Variants in AR observed in about 807,000 individuals in gnomAD.
AR encodes androgen receptor, also known as dihydrotestosterone receptor.
A neutral mutation model predicts 53.9 loss-of-function variants in AR; 8 were observed. That is an observed-to-expected ratio of 0.15 (90% CI 0.09 to 0.27). AR has a LOEUF of 0.27. Ranked by LOEUF, AR falls within the 10% of genes least tolerant of loss-of-function variation. AR has a pLI of 1.00. For missense variants in AR, 639 were observed against 742.5 expected (o/e 0.86, Z 1.62); for synonymous variants, 359 against 316.4 (o/e 1.13, Z -1.43).
chrX:67,673,053 T>C (rs1360747007), intron 2 of AR, among the ~76,000 whole-genome samples: 1 of 109,365 alleles, frequency 9.1e-6, no homozygotes. Flanking sequence ...GTTTTTTTTT[T>C]TTTTTTCTTC....
chrX:67,707,271 G>A (rs750573487), intron 3 of AR, among the ~76,000 whole-genome samples: 1 of 111,927 alleles, frequency 8.9e-6, no homozygotes, highest in South Asian at 3.8e-4. Context: ...TTGTGTGGGA[G>A]TCTAAGTCTC....
intron 1 of AR, among the ~76,000 whole-genome samples, chrX:67,600,011 A>G (rs1034255279): frequency 1.8e-5 from 2 of 111,665 alleles, no homozygotes; most frequent in Non-Finnish European, 3.8e-5. Flanking sequence ...GCTAGTTTCA[A>G]ATGAGTATGT....
At chrX:67,638,676 T>C (rs1032116503) in intron 1 of AR, among the ~76,000 whole-genome samples, 2 of 112,148 alleles carry the variant, frequency 1.8e-5, no homozygotes, top group African/African-American at 3.2e-5. Context: ...GTTGTTTGTC[T>C]TTTTCTTGTA....
At chrX:67,689,665 T>C in intron 3 of AR, 1 of 896,288 alleles carries the variant, frequency 1.1e-6, no homozygotes, top group Middle Eastern at 3.3e-4. Context: ...GAGATCAGCC[T>C]TTCTTTGTAG....
intron 4 of AR, 81 bp from the exon 5 acceptor site, chrX:67,717,397 A>T (rs1209889023): frequency 2.6e-6 from 3 of 1,157,106 alleles, no homozygotes; most frequent in Non-Finnish European, 3.5e-6. Flanking sequence ...ATACCAGAGC[A>T]TCTCTGCCCA....
chrX:67,576,478 G>A (rs935592743), intron 1 of AR, among the ~76,000 whole-genome samples: 2 of 110,622 alleles, frequency 1.8e-5, no homozygotes, highest in African/African-American at 6.6e-5. Flanking sequence ...TAAATCATGA[G>A]TTTGTGCCTT....
Position 67,691,755 on chromosome X carries a change from A to G in AR, c.1885+5629A>G, listed in dbSNP as rs774315493. 3.6e-3 allele frequency among the ~76,000 whole-genome samples: 400 copies of G among 111,851 alleles called. 2 individuals carry two copies. Among genetic ancestry groups the G allele is most frequent in the Admixed American group, 6.6e-3 (70 of 10,536 alleles). ...ATCAAAAGCAGACCATCCTTACCACATGGTGCATAAGATTATGCTATTATG... is the reference window on the plus strand; with the variant it reads ...ATCAAAAGCAGACCATCCTTACCACGTGGTGCATAAGATTATGCTATTATG... On this transcript the variant is annotated intron_variant, in intron 3 of 7. Transcript: ENST00000374690.
chrX:67,678,557 G>A (rs1384877795), intron 2 of AR, among the ~76,000 whole-genome samples: 2 of 111,528 alleles, frequency 1.8e-5, no homozygotes, highest in Admixed American at 9.5e-5. Context: ...TTAGGTTCAG[G>A]GGTTCATGTG....
chrX:67,638,912 C>T (rs1211918456), intron 1 of AR, among the ~76,000 whole-genome samples: 1 of 111,644 alleles, frequency 9.0e-6, no homozygotes, highest in Non-Finnish European at 1.9e-5. Context: ...ATGCCTATGT[C>T]CTGAATGGTA....
At chrX:67,578,810 A>C (rs762585523) in intron 1 of AR, among the ~76,000 whole-genome samples, 1 of 111,921 alleles carries the variant, frequency 8.9e-6, no homozygotes, top group Non-Finnish European at 1.9e-5. Flanking sequence ...GGAAAATGAA[A>C]GGACTTTGAA....
intron 2 of AR, among the ~76,000 whole-genome samples, chrX:67,661,797 T>C (rs1361596858): frequency 9.0e-6 from 1 of 111,676 alleles, no homozygotes; most frequent in Non-Finnish European, 1.9e-5. Flanking sequence ...TCTGGTAGGA[T>C]TCAGCTGTGA....
chrX:67,631,348 C>CT (rs1332397922), intron 1 of AR, among the ~76,000 whole-genome samples: 1 of 109,954 alleles, frequency 9.1e-6, no homozygotes, highest in African/African-American at 3.4e-5. Context: ...TCTTTTTATT[C>CT]TTTTTTCTCT....
At chrX:67,620,632 A>G (rs1262252636) in intron 1 of AR, among the ~76,000 whole-genome samples, 4 of 111,532 alleles carry the variant, frequency 3.6e-5, no homozygotes, top group African/African-American at 1.3e-4. Context: ...CTAGTGATCA[A>G]TAATAGTGAG....
intron 1 of AR, among the ~76,000 whole-genome samples, chrX:67,559,193 A>G (rs1014474533): frequency 8.9e-6 from 1 of 111,990 alleles, no homozygotes; most frequent in Non-Finnish European, 1.9e-5. Flanking sequence ...CAGAACCGGA[A>G]CTTGAATTTG....
At chrX:67,568,982 C>T (rs757606611) in intron 1 of AR, 1 of 1,210,487 alleles carries the variant, frequency 8.3e-7, no homozygotes, top group Middle Eastern at 2.3e-4. Flanking sequence ...GTGCTCCTGA[C>T]ATTGCCTGTC....
intron 1 of AR, among the ~76,000 whole-genome samples, chrX:67,585,624 A>G (rs1416607810): frequency 8.9e-6 from 1 of 112,353 alleles, no homozygotes; most frequent in African/African-American, 3.2e-5. Context: ...GAATTCAAGG[A>G]TTTGAGTCAT....
intron 2 of AR, among the ~76,000 whole-genome samples, chrX:67,655,115 A>G (rs1926527474): frequency 2.7e-5 from 3 of 109,095 alleles, no homozygotes; most frequent in Admixed American, 9.9e-5. Flanking sequence ...AACCAAAACC[A>G]GCAAGTACAT....
chrX:67,621,352 T>C (rs1184548121), intron 1 of AR, among the ~76,000 whole-genome samples: 1 of 111,501 alleles, frequency 9.0e-6, no homozygotes, highest in Non-Finnish European at 1.9e-5. Flanking sequence ...GTTGTTGTTG[T>C]TTTTGTTTGT....
At position 67,643,276 on chromosome X, in the gene AR, A is replaced by G. The variant is rs1416092874; in HGVS notation, c.1637A>G (p.His546Arg). 1 of 1,211,430 alleles carries G rather than the reference A, an allele frequency of 8.3e-7. No homozygotes were observed. Among genetic ancestry groups the G allele is most frequent in the Admixed American group, 2.2e-5 (1 of 45,919 alleles). Reference sequence around the variant, plus strand: ...TCCAGTTTGGAGACTGCCAGGGACCATGTTTTGCCCATTGACTATTACTTT... The same window carrying G: ...TCCAGTTTGGAGACTGCCAGGGACCGTGTTTTGCCCATTGACTATTACTTT... Reference protein sequence around the residue: ...GDMRLETARDHVLPIDYYFPP... With the variant: ...GDMRLETARDRVLPIDYYFPP... The change falls in exon 2 of 8, where the codon CAT becomes CGT. Residue 546 changes from histidine (H) to arginine (R), a missense_variant. Physicochemically the swap from His to Arg is conservative, Grantham distance 29 (BLOSUM62 0). Coordinates refer to ENST00000374690, the MANE Select transcript of AR (RefSeq NM_000044.6).
Sources: gnomAD v4.1 joint callset for allele counts (sites outside exome capture counted in the v4.1 genomes callset) on GRCh38, gnomAD v4.1.1 for gene constraint, MANE v1.5 for transcripts, NCBI Gene and HGNC (gene_info 2026-07-23, HGNC 2026-07-21) for gene names.